NTRK3: variants seen among roughly 807,000 people sequenced by gnomAD.
The protein encoded by NTRK3 is NT-3 growth factor receptor.
In NTRK3, 24 loss-of-function variants were observed where a neutral mutation model predicts 91.7. The ratio of observed to expected loss-of-function variants is 0.26; its 90% CI spans 0.19 to 0.37. The LOEUF (loss-of-function observed/expected upper bound fraction) is 0.37. Among genes scored for constraint, NTRK3 ranks in the 10% least tolerant of loss-of-function variants. The pLI, the probability that NTRK3 is intolerant of heterozygous loss-of-function variation, is 1.00. For missense variants in NTRK3, 880 were observed against 1,068.9 expected, an observed-to-expected ratio of 0.82 and a Z score of 2.46; for synonymous variants, 483 against 404.0, an observed-to-expected ratio of 1.20 and a Z score of -2.34.
chr15:88,140,279 A>T (rs1466950270), intron 6 of NTRK3, among the ~76,000 whole-genome samples: 1 of 152,228 alleles, frequency 6.6e-6, no homozygotes, highest in Non-Finnish European at 1.5e-5. Flanking sequence ...GCTTATAAAC[A>T]CAGGGTCAAC....
chr15:87,981,356 G>C (rs2074251751), intron 14 of NTRK3: 2 of 1,613,760 alleles, frequency 1.2e-6, no homozygotes, highest in Non-Finnish European at 1.7e-6. Context: ...TGTTTGAAAA[G>C]ACCCCTGGCA....
At chr15:88,210,799 C>T (rs1408117712) in intron 3 of NTRK3, among the ~76,000 whole-genome samples, 2 of 152,174 alleles carry the variant, frequency 1.3e-5, no homozygotes, top group Non-Finnish European at 2.9e-5. Context: ...AGCATAACTT[C>T]TGCGTCAACT....
chr15:87,993,553 A>T (rs2075445281), intron 14 of NTRK3, among the ~76,000 whole-genome samples: 1 of 152,206 alleles, frequency 6.6e-6, no homozygotes, highest in Non-Finnish European at 1.5e-5. Flanking sequence ...TGATGGAAGC[A>T]TACTCATACA....
At chr15:88,174,561 C>T (rs2045821677) in intron 5 of NTRK3, among the ~76,000 whole-genome samples, 1 of 152,162 alleles carries the variant, frequency 6.6e-6, no homozygotes, top group Admixed American at 6.5e-5. Flanking sequence ...AATGCTGTTC[C>T]CTTGGCAATT....
intron 13 of NTRK3, among the ~76,000 whole-genome samples, chr15:88,088,948 T>C (rs2048757978): frequency 6.6e-6 from 1 of 152,178 alleles, no homozygotes; most frequent in Non-Finnish European, 1.5e-5. Context: ...TAGGTTCCTC[T>C]GAGGGTCCAG....
At chr15:88,065,667 A>C (rs2046588381) in intron 13 of NTRK3, among the ~76,000 whole-genome samples, 2 of 152,192 alleles carry the variant, frequency 1.3e-5, no homozygotes, top group Non-Finnish European at 2.9e-5. Context: ...TGATTAGCCA[A>C]GTTCCTATTA....
chr15:87,941,472 TACACAC>T (rs10544243), intron 14 of NTRK3, among the ~76,000 whole-genome samples: 10 of 148,982 alleles, frequency 6.7e-5, no homozygotes, highest in East Asian at 2.0e-4. Flanking sequence ...CACATACACA[TACACAC>T]ACACACACAC....
chr15:88,125,076 CTCAA>C (rs751913649), intron 13 of NTRK3, among the ~76,000 whole-genome samples: 2 of 152,198 alleles, frequency 1.3e-5, no homozygotes, highest in Non-Finnish European at 2.9e-5. Context: ...ACCTCCTGTG[CTCAA>C]TCAATCTTCC....
intron 14 of NTRK3, among the ~76,000 whole-genome samples, chr15:88,012,285 G>A (rs1475476930): frequency 6.6e-6 from 1 of 152,168 alleles, no homozygotes; most frequent in Admixed American, 6.5e-5. Flanking sequence ...TTTGACATAA[G>A]GGAAACGTAT....
At chr15:87,983,739 T>A (rs1030756410) in intron 14 of NTRK3, among the ~76,000 whole-genome samples, 3 of 152,096 alleles carry the variant, frequency 2.0e-5, no homozygotes, top group Non-Finnish European at 4.4e-5. Context: ...GGAAAACCAA[T>A]ATCCAGGAAG....
chr15:88,071,776 AG>A, intron 13 of NTRK3, among the ~76,000 whole-genome samples: 1 of 152,304 alleles, frequency 6.6e-6, no homozygotes, highest in Middle Eastern at 3.4e-3. Flanking sequence ...TATGCTATAA[AG>A]GACCACAACT....
chr15:88,244,121 C>A (rs965385112), intron 3 of NTRK3, among the ~76,000 whole-genome samples: 4 of 152,114 alleles, frequency 2.6e-5, no homozygotes, highest in Non-Finnish European at 5.9e-5. Flanking sequence ...AACCATAGAG[C>A]GTTCAGTAGG....
Position 87,952,910 on chromosome 15 carries a change from A to G in NTRK3, c.1586-12157T>C, listed in dbSNP as rs142152385. Among the ~76,000 whole-genome samples, 929 of 152,080 alleles carry G rather than the reference A, an allele frequency of 6.1e-3. 19 individuals are homozygous for G. The highest frequency in any genetic ancestry group is 0.036 in the East Asian group (185 of 5,116). ...GCCCTCACCCTGTATCTGATGGGGA[A>G]CAAGGTCGGAGGCCAGGGCCTGCGA... On this transcript the variant is annotated intron_variant, in intron 14 of 18. Coordinates refer to ENST00000394480, the Ensembl canonical transcript of NTRK3.
intron 17 of NTRK3, among the ~76,000 whole-genome samples, chr15:87,909,519 G>C (rs1489159031): frequency 6.6e-6 from 1 of 152,160 alleles, no homozygotes; most frequent in Non-Finnish European, 1.5e-5. Context: ...CAATGAAATG[G>C]GGATTGCTGA....
chr15:88,058,228 G>A (rs1567310236), intron 13 of NTRK3, among the ~76,000 whole-genome samples: 1 of 152,166 alleles, frequency 6.6e-6, no homozygotes, highest in Non-Finnish European at 1.5e-5. Context: ...GTAAGCACCA[G>A]GACTACGACG....
chr15:88,176,098 T>C (rs1225454915), intron 5 of NTRK3, among the ~76,000 whole-genome samples: 1 of 151,934 alleles, frequency 6.6e-6, no homozygotes, highest in Non-Finnish European at 1.5e-5. Flanking sequence ...TCCAATAATA[T>C]AAGTGATATG....
At chr15:88,206,972 A>C (rs1200014905) in intron 3 of NTRK3, among the ~76,000 whole-genome samples, 2 of 152,196 alleles carry the variant, frequency 1.3e-5, no homozygotes, top group African/African-American at 4.8e-5. Flanking sequence ...CCCCAGGCCC[A>C]GGCTTGGTCA....
At chr15:88,178,539 G>A (rs953078156) in intron 5 of NTRK3, among the ~76,000 whole-genome samples, 5 of 152,172 alleles carry the variant, frequency 3.3e-5, no homozygotes, top group South Asian at 2.1e-4. Flanking sequence ...TTGAGTGCAC[G>A]TTTGCTTCCA....
chr15:87,876,722 T>C, exon 19 of NTRK3: 1 of 229,030 alleles, frequency 4.4e-6, no homozygotes, highest in Non-Finnish European at 8.5e-6. Context: ...TATAAATATA[T>C]ATATATATAT....
Sources: gnomAD v4.1 joint callset for allele counts (sites outside exome capture counted in the v4.1 genomes callset) on GRCh38, gnomAD v4.1.1 for gene constraint, MANE v1.5 for transcripts, NCBI Gene and HGNC (gene_info 2026-07-23, HGNC 2026-07-21) for gene names.